Variants in EMID1 observed in about 807,000 individuals in gnomAD.
EMID1 encodes the protein EMI domain containing 1.
EMID1 carries 40 observed loss-of-function variants against 60.6 expected under a neutral mutation model. The ratio of observed to expected loss-of-function variants is 0.66; its 90% CI spans 0.51 to 0.86. EMID1 has a LOEUF of 0.86. Ranked by LOEUF, EMID1 falls within the 40% of genes least tolerant of loss-of-function variation. EMID1 has a pLI of 0.00. For missense variants in EMID1, 585 were observed against 597.1 expected (o/e 0.98, Z 0.21); for synonymous variants, 242 against 231.0 (o/e 1.05, Z -0.43).
At chr22:29,222,366 T>C (rs2040331027) in intron 3 of EMID1, among the ~76,000 whole-genome samples, 1 of 151,584 alleles carries the variant, frequency 6.6e-6, no homozygotes, top group Admixed American at 6.6e-5. Context: ...AGTGCTAGGA[T>C]TACAGGTGTG....
At chr22:29,255,009 T>C (rs536553865) in intron 14 of EMID1, among the ~76,000 whole-genome samples, 1 of 144,866 alleles carries the variant, frequency 6.9e-6, no homozygotes, top group South Asian at 2.1e-4. Context: ...TTGGTCCCTT[T>C]AGGGGACTAA....
chr22:29,239,661 T>C (rs553983839), intron 12 of EMID1, among the ~76,000 whole-genome samples: 1 of 152,306 alleles, frequency 6.6e-6, no homozygotes, highest in South Asian at 2.1e-4. Context: ...GTAGACATAA[T>C]GTACTGTGCA....
chr22:29,255,109 C>T (rs570248972), intron 14 of EMID1, among the ~76,000 whole-genome samples: 1 of 152,252 alleles, frequency 6.6e-6, no homozygotes, highest in South Asian at 2.1e-4. Flanking sequence ...CAGCCCTGTC[C>T]CCACCATAGG....
intron 4 of EMID1, 117 bp from the exon 5 acceptor site, chr22:29,226,373 G>A (rs1183027627): frequency 8.8e-7 from 1 of 1,142,064 alleles, no homozygotes; most frequent in Non-Finnish European, 1.2e-6. Context: ...GGTCCCTCGT[G>A]GGTTGGGGTC....
At chr22:29,217,541 G>A (rs2040133468) in intron 3 of EMID1, among the ~76,000 whole-genome samples, 1 of 152,218 alleles carries the variant, frequency 6.6e-6, no homozygotes, top group African/African-American at 2.4e-5. Context: ...ATGCCCACTC[G>A]GAGGGAAAGG....
At chr22:29,225,340 C>A in intron 4 of EMID1, 124 bp downstream of exon 4, 1 of 984,352 alleles carries the variant, frequency 1.0e-6, no homozygotes, top group Admixed American at 2.5e-5. Context: ...AGGACAGTAA[C>A]TATCTTCCCA....
intron 12 of EMID1, among the ~76,000 whole-genome samples, chr22:29,237,607 G>C (rs1440210508): frequency 7.0e-6 from 1 of 143,434 alleles, no homozygotes; most frequent in Admixed American, 6.8e-5. Context: ...GACCATCCTG[G>C]TGAACACGGT....
intron 5 of EMID1, among the ~76,000 whole-genome samples, chr22:29,228,024 C>T (rs1260292712): frequency 3.3e-5 from 5 of 151,960 alleles, no homozygotes; most frequent in East Asian, 3.9e-4. Context: ...GGCATGGTGG[C>T]GCATGCCTGT....
chr22:29,243,394 T>G (rs371048903), intron 12 of EMID1, 51 bp from the exon 13 acceptor site: 1 of 1,593,870 alleles, frequency 6.3e-7, no homozygotes, highest in Non-Finnish European at 8.6e-7. Context: ...TTCCCGTCCC[T>G]TTCTGTCTCC....
intron 12 of EMID1, among the ~76,000 whole-genome samples, chr22:29,242,128 C>A (rs879372947): frequency 2.0e-5 from 3 of 152,038 alleles, no homozygotes; most frequent in Non-Finnish European, 4.4e-5. Flanking sequence ...TGGGGTTGCT[C>A]AGGTTGGCCC....
At chr22:29,255,330 G>T in intron 14 of EMID1, 12 of 1,522,672 alleles carry the variant, frequency 7.9e-6, no homozygotes, top group Non-Finnish European at 1.1e-5. Flanking sequence ...TGGCCAGACG[G>T]GTCACCCTCC....
chr22:29,232,492 G>A, intron 8 of EMID1, 90 bp downstream of exon 8: 1 of 1,388,058 alleles, frequency 7.2e-7, no homozygotes, highest in South Asian at 1.5e-5. Flanking sequence ...TGCCTTCTGT[G>A]TGCCAGCCCT....
chr22:29,256,278 G>A (rs1033281254), intron 14 of EMID1, among the ~76,000 whole-genome samples: 2 of 151,954 alleles, frequency 1.3e-5, no homozygotes, highest in African/African-American at 4.8e-5. Flanking sequence ...TTCAAGACCA[G>A]CCTGGGCAAC....
chr22:29,231,383 G>T (rs2040735844), intron 6 of EMID1: 1 of 818,492 alleles, frequency 1.2e-6, no homozygotes, highest in African/African-American at 1.7e-5. Flanking sequence ...GGAGCTGGGA[G>T]TGGGGATTCT....
Position 29,232,387 on chromosome 22 carries a change from C to T in EMID1, c.808C>T (p.Arg270Trp), listed in dbSNP as rs768896217. 1.7e-5 allele frequency: 27 copies of T among 1,586,222 alleles called. No homozygotes were observed. The highest frequency in any genetic ancestry group is 9.0e-5 in the East Asian group (4 of 44,204). ...AGCCCCTGTTGGGCCACCCCATGCCCGGATCTCCCAGCATGGTGAGTCCCC... is the reference window on the plus strand; with the variant it reads ...AGCCCCTGTTGGGCCACCCCATGCCTGGATCTCCCAGCATGGTGAGTCCCC... ...PPAPVGPPHA[R>W]ISQHGDPLLS... The change falls in exon 8 of 15, where the codon CGG becomes TGG. Residue 270 changes from arginine to tryptophan, a missense_variant. Transcript: ENST00000334018.
chr22:29,232,795 G>C (rs1040007227), intron 8 of EMID1: 1 of 199,650 alleles, frequency 5.0e-6, no homozygotes, highest in Admixed American at 5.3e-5. Flanking sequence ...CCACAGGCCC[G>C]GCCCCTCCTC....
Position 29,233,449 on chromosome 22 carries a change from A to C in EMID1, c.894A>C (p.Pro298=). The C allele has an allele frequency of 6.2e-7, 1 of 1,614,144 alleles. No homozygotes were observed. Among genetic ancestry groups the C allele is most frequent in the Non-Finnish European group, 8.5e-7 (1 of 1,179,984 alleles). Residue 298 remains proline (P), a synonymous_variant, in exon 9 of 15, where the codon CCA becomes CCC. Coordinates refer to ENST00000334018, the MANE Select transcript of EMID1 (RefSeq NM_133455.4). The part of the protein sequence containing the change: ...NHWPQGPTGP[P]GPPGPMGPPG... ...GGCCCCAGGGACCCACTGGGCCTCCAGGCCCTCCAGGGCCCATGGGTAAGT... is the reference window on the plus strand; with the variant it reads ...GGCCCCAGGGACCCACTGGGCCTCCCGGCCCTCCAGGGCCCATGGGTAAGT...
intron 14 of EMID1, among the ~76,000 whole-genome samples, chr22:29,256,297 A>AC (rs1345664052): frequency 6.6e-6 from 1 of 151,606 alleles, no homozygotes; most frequent in Non-Finnish European, 1.5e-5. Context: ...ACATGGCGAA[A>AC]CCCCGTCTCT....
chr22:29,257,043 A>G (rs1490241865), intron 14 of EMID1, among the ~76,000 whole-genome samples: 2 of 152,188 alleles, frequency 1.3e-5, no homozygotes, highest in African/African-American at 4.8e-5. Flanking sequence ...AGCAGGAGCT[A>G]GAAGGGACAC....
Sources: allele counts gnomAD v4.1 joint callset (sites outside exome capture counted in the v4.1 genomes callset), GRCh38; gene constraint gnomAD v4.1.1; transcripts MANE v1.5; gene names NCBI Gene and HGNC (gene_info 2026-07-23, HGNC 2026-07-21).